The following INSL6 variants were observed in gnomAD, a reference collection of about 807,000 sequenced individuals.
INSL6 encodes the protein insulin-like peptide INSL6.
INSL6 carries 16 observed loss-of-function variants against 9.4 expected under a neutral mutation model. That is an observed-to-expected ratio of 1.70 (90% CI 1.15 to 2.59). INSL6 has a LOEUF of 2.59. Among genes scored for constraint, INSL6 ranks in the 30% most tolerant of loss-of-function variants. INSL6 has a pLI of 0.00. For synonymous variants in INSL6, 154 were observed against 96.9 expected (o/e 1.59, Z -3.46); for missense variants, 391 against 257.3 (o/e 1.52, Z -3.56).
chr9:5,144,600 G>T lies in INSL6; in HGVS notation c.377-11008C>A, dbSNP rs143638820. Among the ~76,000 whole-genome samples the T allele has an allele frequency of 4.7e-4, 72 of 152,276 alleles. No individual in the cohort carries two copies. The East Asian group carries it at 0.011, about 24-fold the overall frequency. On this transcript the variant is annotated intron_variant, in intron 2 of 3. Coordinates refer to the INSL6 transcript ENST00000649639. Reference sequence around the variant, plus strand: ...TGGGGTGTTAAAGTCTCCTATTATTGTGTGGCGGTCTAAGTCTCTTTGAAA... The same window carrying T: ...TGGGGTGTTAAAGTCTCCTATTATTTTGTGGCGGTCTAAGTCTCTTTGAAA...
At chr9:5,018,261 G>C in the INSL6 span, among the ~76,000 whole-genome samples, 2 of 152,104 alleles carry the variant, frequency 1.3e-5, no homozygotes, top group Non-Finnish European at 2.9e-5. Flanking sequence ...GTGTGTGTTT[G>C]CTTTACCAGT....
chr9:5,021,987 CATGGGAATGGCCTGCCTTACG>C, the INSL6 span: 1 of 1,608,442 alleles, frequency 6.2e-7, no homozygotes, highest in Admixed American at 1.7e-5. Flanking sequence ...AAAGACTCTG[CATGGGAATGGCCTGCCTTACG>C]ATGACAGAAA....
At chr9:5,178,997 A>G (rs1825381846) in intron 1 of INSL6, among the ~76,000 whole-genome samples, 1 of 152,022 alleles carries the variant, frequency 6.6e-6, no homozygotes, top group Admixed American at 6.5e-5. Context: ...CAACAAAATC[A>G]AAAACTGACA....
At chr9:5,069,901 T>C in the INSL6 span, 142 of 1,503,824 alleles carry the variant, frequency 9.4e-5, no homozygotes, top group Non-Finnish European at 8.8e-5. Flanking sequence ...TTTGAAGTGA[T>C]ATATATGTAT....
the INSL6 span, among the ~76,000 whole-genome samples, chr9:5,012,701 G>A: frequency 2.0e-5 from 3 of 152,178 alleles, no homozygotes; most frequent in African/African-American, 4.8e-5. Flanking sequence ...AGAATAGATC[G>A]TTTGACAAGG....
the INSL6 span, among the ~76,000 whole-genome samples, chr9:5,055,313 G>A: frequency 6.6e-6 from 1 of 151,932 alleles, no homozygotes; most frequent in African/African-American, 2.4e-5. Flanking sequence ...TAATATCCGT[G>A]TTGTTCATAG....
rs570328973 is a variant in INSL6 at position 5,144,167 on chromosome 9, C to A, written c.377-10575G>T. On this transcript the variant is annotated intron_variant, in intron 2 of 3. Transcript: ENST00000649639. ...GCTACAAACTTCCCTTTTAATACTG[C>A]CTTAGCTGTGTCCCAGAGATTCTGA... Among the ~76,000 whole-genome samples, 29 of 152,286 alleles carry A rather than the reference C, an allele frequency of 1.9e-4. No homozygotes were observed. The East Asian group carries it at 5.0e-3, about 26-fold the overall frequency.
chr9:5,123,193 G>C, downstream of INSL6: 1 of 1,028,492 alleles, frequency 9.7e-7, no homozygotes, highest in Non-Finnish European at 1.5e-6. Flanking sequence ...TGGGGTACAA[G>C]TACAATTTTG....
At chr9:5,160,771 C>G (rs144917588), downstream of INSL6, among the ~76,000 whole-genome samples, 1 of 151,880 alleles carries the variant, frequency 6.6e-6, no homozygotes, top group East Asian at 1.9e-4. Flanking sequence ...ACAACTGATA[C>G]GCAGAAATTA....
the INSL6 span, among the ~76,000 whole-genome samples, chr9:5,115,957 G>C: frequency 1.3e-5 from 2 of 151,872 alleles, no homozygotes; most frequent in African/African-American, 4.8e-5. Flanking sequence ...ACCTAATGTA[G>C]TTGATGGGTT....
chr9:5,096,016 G>C, the INSL6 span, among the ~76,000 whole-genome samples: 1 of 152,046 alleles, frequency 6.6e-6, no homozygotes, highest in African/African-American at 2.4e-5. Context: ...GCCTGAATGA[G>C]TCATCATTCA....
chr9:5,103,508 T>A, the INSL6 span, among the ~76,000 whole-genome samples: 1 of 152,008 alleles, frequency 6.6e-6, no homozygotes. Flanking sequence ...AATAGACAGA[T>A]CAATGAGACA....
chr9:5,132,400 T>C (rs1278269080), intron 3 of INSL6, among the ~76,000 whole-genome samples: 2 of 152,194 alleles, frequency 1.3e-5, no homozygotes, highest in Non-Finnish European at 2.9e-5. Flanking sequence ...TTAAAACTAC[T>C]GTCCTAAATG....
intron 1 of INSL6, among the ~76,000 whole-genome samples, chr9:5,167,919 G>T (rs1325202624): frequency 6.6e-6 from 1 of 152,142 alleles, no homozygotes; most frequent in Admixed American, 6.5e-5. Context: ...TACCTCCTGG[G>T]GTGGAAGAAA....
chr9:5,131,721 T>G (rs1043801085), intron 3 of INSL6, among the ~76,000 whole-genome samples: 1 of 152,164 alleles, frequency 6.6e-6, no homozygotes, highest in African/African-American at 2.4e-5. Context: ...ATTACAGGCA[T>G]GAGGCACTGC....
chr9:5,071,316 TA>T, the INSL6 span, among the ~76,000 whole-genome samples: 1 of 152,140 alleles, frequency 6.6e-6, no homozygotes, highest in Admixed American at 6.6e-5. Flanking sequence ...CAGGATTAAT[TA>T]AGAGTCAGTA....
At chr9:5,136,002 G>C (rs1020143783) in intron 2 of INSL6, among the ~76,000 whole-genome samples, 1 of 152,140 alleles carries the variant, frequency 6.6e-6, no homozygotes, top group Non-Finnish European at 1.5e-5. Context: ...ACACCTCTAT[G>C]CAAATAAACT....
At chr9:5,072,088 G>A in the INSL6 span, among the ~76,000 whole-genome samples, 3 of 152,124 alleles carry the variant, frequency 2.0e-5, no homozygotes, top group Admixed American at 6.5e-5. Context: ...GCCTGTACAA[G>A]GTCATACAAG....
the INSL6 span, among the ~76,000 whole-genome samples, chr9:5,046,032 C>T: frequency 6.6e-6 from 1 of 152,174 alleles, no homozygotes; most frequent in African/African-American, 2.4e-5. Context: ...AATTTCTCAA[C>T]ATCCTCAACA....
Sources: allele counts gnomAD v4.1 joint callset (sites outside exome capture counted in the v4.1 genomes callset), GRCh38; gene constraint gnomAD v4.1.1; transcripts MANE v1.5; gene names NCBI Gene and HGNC (gene_info 2026-07-23, HGNC 2026-07-21).